Variants in GLIS3 observed in about 807,000 individuals in gnomAD.
GLIS3 encodes the protein GLIS family zinc finger 3.
GLIS3 carries 53 observed loss-of-function variants against 78.6 expected under a neutral mutation model. The ratio of observed to expected loss-of-function variants is 0.67; its 90% CI spans 0.54 to 0.85. The LOEUF (loss-of-function observed/expected upper bound fraction) is 0.85, where lower values mean the gene tolerates loss of function less well. Among genes scored for constraint, GLIS3 ranks in the 40% least tolerant of loss-of-function variants. The probability of loss-of-function intolerance (pLI) is 0.00; values close to 1 mark genes in which losing one functional copy is unlikely to be tolerated. For missense variants in GLIS3, 1,703 were observed against 1,231.1 expected (o/e 1.38, Z -5.74); for synonymous variants, 684 against 509.9 (o/e 1.34, Z -4.60).
intron 4 of GLIS3, among the ~76,000 whole-genome samples, chr9:4,024,742 T>C (rs1447830855): frequency 6.6e-6 from 1 of 152,194 alleles, no homozygotes; most frequent in Non-Finnish European, 1.5e-5. Context: ...TTAATTCTTC[T>C]TCTTCTGTAT....
At chr9:4,265,875 T>C (rs1264516446) in intron 2 of GLIS3, among the ~76,000 whole-genome samples, 1 of 151,748 alleles carries the variant, frequency 6.6e-6, no homozygotes, top group African/African-American at 2.4e-5. Context: ...GCAGAATGTT[T>C]TAGTAAAATG....
intron 4 of GLIS3, among the ~76,000 whole-genome samples, chr9:4,110,275 C>T (rs1011350000): frequency 6.6e-6 from 1 of 152,076 alleles, no homozygotes; most frequent in Non-Finnish European, 1.5e-5. Context: ...TCAAAAGTGT[C>T]CTAATTTGAA....
chr9:4,380,491 G>A, the GLIS3 span, among the ~76,000 whole-genome samples: 1 of 152,158 alleles, frequency 6.6e-6, no homozygotes, highest in African/African-American at 2.4e-5. Flanking sequence ...AAATGTCAGA[G>A]CTGAAGACAA....
chr9:3,851,478 T>G lies in GLIS3; in HGVS notation c.2473+4531A>C, dbSNP rs532981016. On this transcript the variant is annotated intron_variant, in intron 9 of 10. Transcript: ENST00000381971. The stretch of plus-strand genomic sequence containing the variant: ...CCTGTACTAATGAAGGCAAAATGAA[T>G]GAATGAGATGGATGCAGAGTCAACA... 2.6e-5 allele frequency among the ~76,000 whole-genome samples: 4 copies of G among 152,352 alleles called. No homozygotes were observed. In the South Asian group the frequency reaches 8.3e-4, roughly 32 times the overall value.
intron 2 of GLIS3, among the ~76,000 whole-genome samples, chr9:4,277,314 G>C (rs1349442163): frequency 6.6e-6 from 1 of 152,156 alleles, no homozygotes; most frequent in Non-Finnish European, 1.5e-5. Context: ...CACACAGCTA[G>C]CTAACCAACT....
upstream of GLIS3, chr9:4,348,472 G>A (rs1295558250): frequency 6.6e-6 from 1 of 152,216 alleles, no homozygotes; most frequent in East Asian, 1.9e-4. Flanking sequence ...CCTTTAAGAA[G>A]TTTTTCTTCA....
At chr9:4,054,506 A>C (rs1825977739) in intron 4 of GLIS3, 1 of 985,262 alleles carries the variant, frequency 1.0e-6, no homozygotes, top group Non-Finnish European at 1.2e-6. Context: ...AGGTACAGAA[A>C]TGGCAGTCTA....
At chr9:4,294,062 T>A (rs548819998) in intron 1 of GLIS3, among the ~76,000 whole-genome samples, 1 of 152,352 alleles carries the variant, frequency 6.6e-6, no homozygotes, top group Non-Finnish European at 1.5e-5. Flanking sequence ...TCCTCCTTTA[T>A]TTTGTTCTCT....
At chr9:3,989,596 G>A (rs1281101974) in intron 4 of GLIS3, among the ~76,000 whole-genome samples, 1 of 152,134 alleles carries the variant, frequency 6.6e-6, no homozygotes, top group Non-Finnish European at 1.5e-5. Flanking sequence ...TGAATCTCCA[G>A]TGAATTTAGC....
rs1828108307 is a variant in GLIS3, at chr9:4,287,546, A to G, written c.-98-1023T>C. Among the ~76,000 whole-genome samples, 3 of 152,258 alleles carry G rather than the reference A, an allele frequency of 2.0e-5. No homozygotes were observed. In the South Asian group the frequency reaches 6.2e-4, roughly 31 times the overall value. On this transcript the variant is annotated intron_variant, in intron 1 of 10. Transcript: ENST00000381971. ...TGCCAAATGTATTATAGACACTGTCACAATCTGTCTTTCAGAGATGACAGT... is the reference window on the plus strand; with the variant it reads ...TGCCAAATGTATTATAGACACTGTCGCAATCTGTCTTTCAGAGATGACAGT...
chr9:3,939,463 T>A (rs1381244381), intron 4 of GLIS3, among the ~76,000 whole-genome samples: 1 of 152,212 alleles, frequency 6.6e-6, no homozygotes, highest in Admixed American at 6.5e-5. Flanking sequence ...CTATTATTAC[T>A]CTTAACAGAA....
the GLIS3 span, among the ~76,000 whole-genome samples, chr9:4,354,782 A>C: frequency 6.6e-6 from 1 of 152,128 alleles, no homozygotes; most frequent in Admixed American, 6.5e-5. Flanking sequence ...TTCCACCCTC[A>C]AAGAGTCATT....
intron 2 of GLIS3, among the ~76,000 whole-genome samples, chr9:4,156,489 G>A (rs970917123): frequency 6.6e-6 from 1 of 152,210 alleles, no homozygotes; most frequent in African/African-American, 2.4e-5. Context: ...CAGACAGAAT[G>A]TGGAAACAAA....
chr9:4,304,479 T>C (rs553755105), upstream of GLIS3, among the ~76,000 whole-genome samples: 344 of 152,262 alleles, frequency 2.3e-3, no homozygotes, highest in Non-Finnish European at 3.2e-3. Flanking sequence ...CCAGTGACCC[T>C]CTCCTGTCTG....
At chr9:3,965,953 A>C (rs1817906714) in intron 4 of GLIS3, among the ~76,000 whole-genome samples, 1 of 152,250 alleles carries the variant, frequency 6.6e-6, no homozygotes, top group Non-Finnish European at 1.5e-5. Flanking sequence ...TGTGGTCTTC[A>C]AACCAGCTTC....
chr9:3,915,512 C>T (rs1229059615), intron 6 of GLIS3, among the ~76,000 whole-genome samples: 1 of 152,094 alleles, frequency 6.6e-6, no homozygotes, highest in South Asian at 2.1e-4. Context: ...GCATGTTGTC[C>T]TCTAAGTTAG....
intron 4 of GLIS3, among the ~76,000 whole-genome samples, chr9:4,092,529 A>C (rs1355745186): frequency 6.6e-6 from 1 of 152,182 alleles, no homozygotes; most frequent in Non-Finnish European, 1.5e-5. Flanking sequence ...ATAAGCTTTT[A>C]AAAATTTTTT....
intron 2 of GLIS3, among the ~76,000 whole-genome samples, chr9:4,148,015 C>G (rs554553396): frequency 1.3e-5 from 2 of 152,214 alleles, no homozygotes; most frequent in South Asian, 2.1e-4. Flanking sequence ...CATTAGCAAA[C>G]CAGGATTTTT....
Position 4,322,584 on chromosome 9 carries a change from C to G in GLIS3, n.265-12056G>C, listed in dbSNP as rs147022876. 4.8e-3 allele frequency among the ~76,000 whole-genome samples: 725 copies of G among 152,238 alleles called. 2 individuals are homozygous for G. Among genetic ancestry groups the G allele is most frequent in the Non-Finnish European group, 7.5e-3 (511 of 68,032 alleles). On this transcript the variant is annotated intron_variant and non_coding_transcript_variant, in intron 2 of 4. Coordinates refer to the GLIS3 transcript ENST00000471664. ...CTCTCCAGAATCTGTTGTTGCCTGA[C>G]TTTTTAATGATTGCCATTCTAACAG...
Sources: allele counts gnomAD v4.1 joint callset (sites outside exome capture counted in the v4.1 genomes callset), GRCh38; gene constraint gnomAD v4.1.1; transcripts MANE v1.5; gene names NCBI Gene and HGNC (gene_info 2026-07-23, HGNC 2026-07-21).